Variants in GRIP1 observed in about 807,000 individuals in gnomAD.
GRIP1 encodes the protein glutamate receptor-interacting protein 1.
A neutral mutation model predicts 129.9 loss-of-function variants in GRIP1; 45 were observed. The ratio of observed to expected loss-of-function variants is 0.35; its 90% CI spans 0.27 to 0.44. The LOEUF (loss-of-function observed/expected upper bound fraction) is 0.44. Ranked by LOEUF, GRIP1 falls within the 20% of genes least tolerant of loss-of-function variation. The pLI is 1.00. For synonymous variants in GRIP1, 530 were observed against 520.8 expected, an observed-to-expected ratio of 1.02 and a Z score of -0.24; for missense variants, 1,196 against 1,396.8, an observed-to-expected ratio of 0.86 and a Z score of 2.29.
rs2054053689 is a variant in GRIP1 at position 66,348,026 on chromosome 12, G to GTAA, written c.*990_*992dup. The GTAA allele has an allele frequency of 1.3e-5, 2 of 152,246 alleles. No homozygotes were observed. The highest frequency in any genetic ancestry group is 4.8e-5 in the African/African-American group (2 of 41,540). The allele number at this position is 152,246 out of a possible 1,614,324, so 9.4% of individuals were successfully genotyped here. On this transcript the variant is annotated 3_prime_UTR_variant, in exon 25 of 25. Coordinates refer to ENST00000359742, the MANE Select transcript of GRIP1 (RefSeq NM_001366722.1). ...TCACAATTTATTGCTTTGAGGGATG[G>GTAA]TAATAATTGGCAATGCATTTGTGAA...
chr12:66,708,277 C>T (rs1239255847), intron 1 of GRIP1, among the ~76,000 whole-genome samples: 1 of 151,814 alleles, frequency 6.6e-6, no homozygotes, highest in Non-Finnish European at 1.5e-5. Context: ...AGACACAGCT[C>T]CCCAAGGAAT....
intron 1 of GRIP1, among the ~76,000 whole-genome samples, chr12:66,644,446 T>C (rs895988039): frequency 6.6e-6 from 1 of 152,270 alleles, no homozygotes; most frequent in Non-Finnish European, 1.5e-5. Flanking sequence ...CAGCCTCTTC[T>C]CTGTGGATTC....
intron 1 of GRIP1, among the ~76,000 whole-genome samples, chr12:67,013,333 T>C (rs546646591): frequency 5.3e-5 from 8 of 152,330 alleles, no homozygotes; most frequent in Middle Eastern, 6.8e-3. Flanking sequence ...ATCTATCTTT[T>C]CTGTTTTTTA....
chr12:66,815,028 G>C lies in GRIP1; in HGVS notation c.59-218101C>G, dbSNP rs545457472. 5.3e-5 allele frequency among the ~76,000 whole-genome samples: 8 copies of C among 152,280 alleles called. No individual in the cohort carries two copies. The East Asian group carries it at 7.7e-4, about 15-fold the overall frequency. On this transcript the variant is annotated intron_variant, in intron 1 of 1. Transcript: ENST00000643019. ...ATAGGGATTATAGGGATTACAATTC[G>C]AGATGAGATTTTGGGTGGGGGATAG...
intron 16 of GRIP1, among the ~76,000 whole-genome samples, chr12:66,405,613 C>T (rs2057163436): frequency 6.6e-6 from 1 of 152,038 alleles, no homozygotes; most frequent in Non-Finnish European, 1.5e-5. Context: ...ATTGGAGGGC[C>T]TAAAAAATGT....
At chr12:66,617,249 A>C (rs1047336201) in intron 1 of GRIP1, among the ~76,000 whole-genome samples, 1 of 147,184 alleles carries the variant, frequency 6.8e-6, no homozygotes, top group African/African-American at 2.5e-5. Context: ...AAAAGAATCC[A>C]TCTCAGGTCT....
At chr12:66,841,806 C>T (rs1039791461) in intron 1 of GRIP1, among the ~76,000 whole-genome samples, 1 of 152,148 alleles carries the variant, frequency 6.6e-6, no homozygotes, top group African/African-American at 2.4e-5. Context: ...GGGTAAACAT[C>T]CTCCTTTCAC....
chr12:66,475,022 A>T (rs545123783), intron 7 of GRIP1, among the ~76,000 whole-genome samples: 1 of 152,338 alleles, frequency 6.6e-6, no homozygotes, highest in Non-Finnish European at 1.5e-5. Context: ...CAATTAAAAG[A>T]CACAGACTGG....
intron 1 of GRIP1, among the ~76,000 whole-genome samples, chr12:66,836,608 T>A (rs1267827805): frequency 6.6e-6 from 1 of 152,200 alleles, no homozygotes; most frequent in Non-Finnish European, 1.5e-5. Context: ...CTTACACATA[T>A]CTTTTAACTT....
At chr12:66,800,193 A>C (rs2038818329) in intron 1 of GRIP1, among the ~76,000 whole-genome samples, 1 of 152,186 alleles carries the variant, frequency 6.6e-6, no homozygotes, top group Non-Finnish European at 1.5e-5. Flanking sequence ...AGCCATATTC[A>C]TGTTCCTCCC....
chr12:66,947,224 G>A (rs1364239030), intron 1 of GRIP1, among the ~76,000 whole-genome samples: 1 of 152,124 alleles, frequency 6.6e-6, no homozygotes, highest in East Asian at 1.9e-4. Flanking sequence ...ACTTTCACCT[G>A]TCCCCTTTCA....
chr12:66,532,814 T>G (rs2061498138), intron 4 of GRIP1, among the ~76,000 whole-genome samples: 1 of 152,078 alleles, frequency 6.6e-6, no homozygotes, highest in Non-Finnish European at 1.5e-5. Context: ...CTGTCTATTT[T>G]AGAACTGAGA....
At chr12:66,452,788 G>A (rs1036300997) in intron 11 of GRIP1, among the ~76,000 whole-genome samples, 7 of 151,828 alleles carry the variant, frequency 4.6e-5, no homozygotes, top group Admixed American at 2.0e-4. Context: ...CAGTTATTTG[G>A]GAAGACCTTT....
At chr12:66,700,878 C>T (rs181581310) in intron 1 of GRIP1, among the ~76,000 whole-genome samples, 11 of 152,238 alleles carry the variant, frequency 7.2e-5, no homozygotes, top group Admixed American at 4.6e-4. Flanking sequence ...TGTCCTCTTT[C>T]CAACCCATTC....
chr12:66,565,704 G>C (rs1358230031), intron 2 of GRIP1, among the ~76,000 whole-genome samples: 1 of 151,966 alleles, frequency 6.6e-6, no homozygotes. Flanking sequence ...GAATCTATAA[G>C]TTACCTTGGG....
At chr12:66,436,326 G>C (rs753502085) in intron 13 of GRIP1, among the ~76,000 whole-genome samples, 1 of 152,062 alleles carries the variant, frequency 6.6e-6, no homozygotes, top group African/African-American at 2.4e-5. Context: ...AAGGCACTGG[G>C]GGCTCCATAA....
At chr12:66,807,537 G>C (rs561861404), upstream of GRIP1, among the ~76,000 whole-genome samples, 1 of 152,126 alleles carries the variant, frequency 6.6e-6, no homozygotes, top group Non-Finnish European at 1.5e-5. Flanking sequence ...AGCCAGGCAT[G>C]GTGGCGGGCG....
At chr12:66,979,456 T>C (rs1386840904) in intron 1 of GRIP1, among the ~76,000 whole-genome samples, 1 of 151,948 alleles carries the variant, frequency 6.6e-6, no homozygotes, top group African/African-American at 2.4e-5. Flanking sequence ...GCACTACAGC[T>C]GCTGTCTTCA....
intron 16 of GRIP1, among the ~76,000 whole-genome samples, chr12:66,399,475 G>T (rs2056906304): frequency 6.6e-6 from 1 of 151,904 alleles, no homozygotes; most frequent in Non-Finnish European, 1.5e-5. Flanking sequence ...AGAATCACTA[G>T]TAAGTTTCAA....
Sources: gnomAD v4.1 joint callset for allele counts (sites outside exome capture counted in the v4.1 genomes callset) on GRCh38, gnomAD v4.1.1 for gene constraint, MANE v1.5 for transcripts, NCBI Gene and HGNC (gene_info 2026-07-23, HGNC 2026-07-21) for gene names.